The following OR6C4 variants were observed in gnomAD, a reference collection of about 807,000 sequenced individuals.
OR6C4 encodes the protein olfactory receptor family 6 subfamily C member 4, also known as olfactory receptor 6C4.
In OR6C4, 20 loss-of-function variants were observed where a neutral mutation model predicts 15.1. The observed-to-expected ratio is 1.32, with a 90% CI of 0.93 to 1.92. The LOEUF is 1.92. Among genes scored for constraint, OR6C4 ranks in the 30% most tolerant of loss-of-function variants. The probability of loss-of-function intolerance (pLI) is 0.00; values close to 1 mark genes in which losing one functional copy is unlikely to be tolerated. For synonymous variants in OR6C4, 179 were observed against 134.2 expected (o/e 1.33, Z -2.31); for missense variants, 491 against 363.2 (o/e 1.35, Z -2.86).
At position 55,551,460 on chromosome 12, in the gene OR6C4, A is replaced by T; in HGVS notation, c.234A>T (p.Arg78Ser). ...EISFTSIFIPRFLTSMTTGNK... is the reference protein window; with the variant it reads ...EISFTSIFIPSFLTSMTTGNK... Reference sequence around the variant, plus strand: ...CCTTCACATCCATTTTTATTCCCAGATTTCTGACCAGCATGACAACAGGAA... The same window carrying T: ...CCTTCACATCCATTTTTATTCCCAGTTTTCTGACCAGCATGACAACAGGAA... The change falls in exon 2 of 2, where the codon AGA (arginine) becomes AGT (serine). Residue 78 changes from arginine (R) to serine (S), a missense_variant. Coordinates refer to ENST00000641569, the MANE Select transcript of OR6C4 (RefSeq NM_001005494.2). The T allele has an allele frequency of 6.2e-7, 1 of 1,613,658 alleles. No homozygotes were observed. Among genetic ancestry groups the T allele is most frequent in the Non-Finnish European group, 8.5e-7 (1 of 1,179,888 alleles).
At chr12:55,550,633 G>A (rs1295512107) in intron 1 of OR6C4, among the ~76,000 whole-genome samples, 2 of 152,130 alleles carry the variant, frequency 1.3e-5, no homozygotes, top group Non-Finnish European at 2.9e-5. Context: ...TTCATGTAGA[G>A]GAAAAGACTC....
Position 55,551,522 on chromosome 12 carries a change from A to AT in OR6C4, c.303dup (p.Ala102CysfsTer18), listed in dbSNP as rs759108361. 6 of 1,613,692 alleles carry AT rather than the reference A, an allele frequency of 3.7e-6. No homozygotes were observed. Among genetic ancestry groups the AT allele is most frequent in the Non-Finnish European group, 3.4e-6 (4 of 1,179,876 alleles). Reference sequence around the variant, plus strand: ...AGCTTTGCTGGCTGCTTGACTCAGTATTTTTTTGCTATATTTCTTGGAGCT... The same window carrying AT: ...AGCTTTGCTGGCTGCTTGACTCAGTATTTTTTTTGCTATATTTCTTGGAGCT... On this transcript the variant is annotated frameshift_variant, in exon 2 of 2. Transcript: ENST00000641569. LOFTEE classifies it high-confidence loss of function.
At position 55,552,068 on chromosome 12, in the gene OR6C4, C is replaced by T. The variant is rs1873889474; in HGVS notation, c.842C>T (p.Pro281Leu). The change falls in exon 2 of 2, where the codon CCC becomes CTC. Residue 281 changes from proline (P) to leucine (L), a missense_variant. Physicochemically the swap from Pro to Leu is moderately conservative, Grantham distance 98. Coordinates refer to ENST00000641569, the MANE Select transcript of OR6C4 (RefSeq NM_001005494.2). The part of the protein sequence containing the change: ...GIAVLITSVT[P>L]LLNPFIYTLR... ...GCTGTACTCATTACTTCGGTTACTCCCTTACTGAATCCCTTCATATATACT... is the reference window on the plus strand; with the variant it reads ...GCTGTACTCATTACTTCGGTTACTCTCTTACTGAATCCCTTCATATATACT... 7 of 1,612,834 alleles carry T rather than the reference C, an allele frequency of 4.3e-6. No homozygotes were observed. In the East Asian group the frequency reaches 1.1e-4, roughly 26 times the overall value.
chr12:55,553,512 G>T lies in OR6C4; in HGVS notation c.*1356G>T, dbSNP rs1348225182. On this transcript the variant is annotated 3_prime_UTR_variant, in exon 2 of 2. Coordinates refer to ENST00000641569, the MANE Select transcript of OR6C4 (RefSeq NM_001005494.2). ...GAGCAAATTATCAGAGCCACAGAAGGTATTGGAGAATGTATAATATTTTTG... is the reference window on the plus strand; with the variant it reads ...GAGCAAATTATCAGAGCCACAGAAGTTATTGGAGAATGTATAATATTTTTG... The T allele has an allele frequency of 1.3e-5, 2 of 152,130 alleles. No homozygotes were observed. The highest frequency in any genetic ancestry group is 2.9e-5 in the Non-Finnish European group (2 of 68,014). 9.4% of individuals were successfully genotyped at this position (152,130 alleles called of 1,614,324 possible). A position where few individuals can be genotyped will look rare whatever the true frequency, so the allele number is the denominator to read the frequency against.
At position 55,551,241 on chromosome 12, in the gene OR6C4, C is replaced by T. The variant is rs200999334; in HGVS notation, c.15C>T (p.Thr5=). 2 of 1,607,192 alleles carry T rather than the reference C, an allele frequency of 1.2e-6. No individual in the cohort carries two copies. The highest frequency in any genetic ancestry group is 3.4e-5 in the Admixed American group (2 of 58,006). Residue 5 remains threonine (T), a synonymous_variant, in exon 2 of 2, where the codon ACC becomes ACT. Transcript: ENST00000641569. ...GAAGGTCAACAATGAAAAACAGAAC[C>T]ATGTTTGGTGAGTTTATTCTACTGG... MKNR[T]MFGEFILLGL...
rs949396749 is a variant in OR6C4, at chr12:55,554,075, A to T, written c.*1919A>T. The T allele has an allele frequency of 6.6e-6, 1 of 152,170 alleles. No individual in the cohort carries two copies. The highest frequency in any genetic ancestry group is 1.5e-5 in the Non-Finnish European group (1 of 68,026). 9.4% of individuals were successfully genotyped at this position (152,170 alleles called of 1,614,324 possible). ...AGCAGGGACAGTAAAAATGTTGGCC[A>T]TTGTACTTGAAATCCATCTGCACAA... is the stretch of plus-strand genomic sequence containing the variant. On this transcript the variant is annotated 3_prime_UTR_variant, in exon 2 of 2. Coordinates refer to ENST00000641569, the MANE Select transcript of OR6C4 (RefSeq NM_001005494.2).
rs897263258 is a variant in OR6C4 at position 55,555,158 on chromosome 12, C to T, written c.*3002C>T. Reference sequence around the variant, plus strand: ...TGGGAAGGCTGAAGCACAAGAATCACTTGGAGTACAAGTGGCCTTTTGTTA... The same window carrying T: ...TGGGAAGGCTGAAGCACAAGAATCATTTGGAGTACAAGTGGCCTTTTGTTA... On this transcript the variant is annotated 3_prime_UTR_variant, in exon 2 of 2. Coordinates refer to ENST00000641569, the MANE Select transcript of OR6C4 (RefSeq NM_001005494.2). 1.3e-5 allele frequency: 2 copies of T among 152,182 alleles called. No individual in the cohort carries two copies. Among genetic ancestry groups the T allele is most frequent in the African/African-American group, 4.8e-5 (2 of 41,446 alleles). The allele number at this position is 152,182 out of a possible 1,614,324, so 9.4% of individuals were successfully genotyped here. A position where few individuals can be genotyped will look rare whatever the true frequency, so the allele number is the denominator to read the frequency against.
Position 55,551,359 on chromosome 12 carries a change from AC to A in OR6C4, c.136del (p.Leu46SerfsTer4), listed in dbSNP as rs751016548. On this transcript the variant is annotated frameshift_variant, in exon 2 of 2. Coordinates refer to ENST00000641569, the MANE Select transcript of OR6C4 (RefSeq NM_001005494.2). LOFTEE classifies it high-confidence loss of function. The part of the protein sequence containing the change: ...LSILGNLTII[T>X]LTLLDPHLQT... ...TATCCTAGGAAATCTGACTATTATC[AC>A]CCTCACCTTACTAGACCCCCACCTC... 6.2e-7 allele frequency: 1 copy of A among 1,613,510 alleles called. No individual in the cohort carries two copies. The highest frequency in any genetic ancestry group is 1.1e-5 in the South Asian group (1 of 91,046).
intron 1 of OR6C4, among the ~76,000 whole-genome samples, chr12:55,550,694 A>G (rs1203185958): frequency 6.6e-6 from 1 of 152,062 alleles, no homozygotes; most frequent in Non-Finnish European, 1.5e-5. Flanking sequence ...GGAAATTCCT[A>G]CTTGTTTCTG....
chr12:55,552,208 A>G lies in OR6C4; in HGVS notation c.*52A>G. The G allele has an allele frequency of 8.0e-7, 1 of 1,243,972 alleles. No homozygotes were observed. The highest frequency in any genetic ancestry group is 1.4e-5 in the South Asian group (1 of 73,100). The allele number at this position is 1,243,972 out of a possible 1,614,324, so 77.1% of individuals were successfully genotyped here. On this transcript the variant is annotated 3_prime_UTR_variant, in exon 2 of 2. Coordinates refer to ENST00000641569, the MANE Select transcript of OR6C4 (RefSeq NM_001005494.2). Reference sequence around the variant, plus strand: ...TTTTCACTTAACAAATATGCATTGAATGTCTATATTTCAAGTGCTAAATTG... The same window carrying G: ...TTTTCACTTAACAAATATGCATTGAGTGTCTATATTTCAAGTGCTAAATTG...
rs892689464 is a variant in OR6C4, at chr12:55,555,521, T to A, written c.*3365T>A. 6 of 152,252 alleles carry A rather than the reference T, an allele frequency of 3.9e-5. No homozygotes were observed. The highest frequency in any genetic ancestry group is 1.2e-4 in the African/African-American group (5 of 41,440). The allele number at this position is 152,252 out of a possible 1,614,324, so 9.4% of individuals were successfully genotyped here. On this transcript the variant is annotated 3_prime_UTR_variant, in exon 2 of 2. Coordinates refer to ENST00000641569, the MANE Select transcript of OR6C4 (RefSeq NM_001005494.2). Reference sequence around the variant, plus strand: ...GGCCAGGTGCAGTGGCTCTTGCCTGTAATCCCAGAAATTTGGGAGGCTGAG... The same window carrying A: ...GGCCAGGTGCAGTGGCTCTTGCCTGAAATCCCAGAAATTTGGGAGGCTGAG...
In OR6C4 at chr12:55,553,967, T is replaced by A. The variant is rs1173913929; in HGVS notation, c.*1811T>A. The A allele has an allele frequency of 6.6e-6, 1 of 152,206 alleles. No individual in the cohort carries two copies. The highest frequency in any genetic ancestry group is 2.4e-5 in the African/African-American group (1 of 41,454). The allele number at this position is 152,206 out of a possible 1,614,324, so 9.4% of individuals were successfully genotyped here. Reference sequence around the variant, plus strand: ...TATTGTGTTTAATAAATGACATCTATTATAACTATATTATAAACAATATAT... The same window carrying A: ...TATTGTGTTTAATAAATGACATCTAATATAACTATATTATAAACAATATAT... On this transcript the variant is annotated 3_prime_UTR_variant, in exon 2 of 2. Transcript: ENST00000641569.
rs766372021 is a variant in OR6C4 at position 55,551,222 on chromosome 12, C to G, written c.-5C>G. The stretch of plus-strand genomic sequence containing the variant: ...TTTTGCCTTTAGGTTTTCCGAAGGT[C>G]AACAATGAAAAACAGAACCATGTTT... On this transcript the variant is annotated 5_prime_UTR_variant, in exon 2 of 2. Coordinates refer to ENST00000641569, the MANE Select transcript of OR6C4 (RefSeq NM_001005494.2). 9.4e-6 allele frequency: 15 copies of G among 1,600,392 alleles called. No homozygotes were observed. Among genetic ancestry groups the G allele is most frequent in the African/African-American group, 1.3e-5 (1 of 74,090 alleles).
Position 55,552,259 on chromosome 12 carries a change from G to T in OR6C4, c.*103G>T, listed in dbSNP as rs765843847. The T allele has an allele frequency of 1.9e-5, 13 of 692,008 alleles. No homozygotes were observed. Among genetic ancestry groups the T allele is most frequent in the Non-Finnish European group, 3.1e-5 (13 of 424,444 alleles). The allele number at this position is 692,008 out of a possible 1,614,324, so 42.9% of individuals were successfully genotyped here. ...GCCCTTGAAGATTAAAATAGGAAAA[G>T]TATATGTCTTAATTTCAAGAAAACT... is the stretch of plus-strand genomic sequence containing the variant. On this transcript the variant is annotated 3_prime_UTR_variant, in exon 2 of 2. Transcript: ENST00000641569.
In OR6C4 at chr12:55,551,133, G is replaced by T. The variant is rs933665444; in HGVS notation, c.-18-76G>T. 6.4e-6 allele frequency: 6 copies of T among 934,116 alleles called. No individual in the cohort carries two copies. The African/African-American group carries it at 1.0e-4, about 16-fold the overall frequency. 57.9% of individuals were successfully genotyped at this position (934,116 alleles called of 1,614,324 possible). A position where few individuals can be genotyped will look rare whatever the true frequency, so the allele number is the denominator to read the frequency against. On this transcript the variant is annotated intron_variant, in intron 1 of 1. Transcript: ENST00000641569. ...GGTGAGCAATGTATGACCTGATTCT[G>T]TTCATTAAGATAAGCTTTATGTCTC...
rs1446790191 is a variant in OR6C4 at position 55,555,553 on chromosome 12, G to A, written c.*3397G>A. 1.3e-5 allele frequency: 2 copies of A among 152,238 alleles called. No homozygotes were observed. Among genetic ancestry groups the A allele is most frequent in the Non-Finnish European group, 1.5e-5 (1 of 68,108 alleles). The allele number at this position is 152,238 out of a possible 1,614,324, so 9.4% of individuals were successfully genotyped here. ...AGAAATTTGGGAGGCTGAGGAGGGT[G>A]GATCACTTGAGTTCAGGAGTTCGAG... On this transcript the variant is annotated 3_prime_UTR_variant, in exon 2 of 2. Transcript: ENST00000641569.
At position 55,553,203 on chromosome 12, in the gene OR6C4, C is replaced by T. The variant is rs1043834791; in HGVS notation, c.*1047C>T. The T allele has an allele frequency of 1.3e-5, 2 of 152,016 alleles. No homozygotes were observed. Among genetic ancestry groups the T allele is most frequent in the African/African-American group, 2.4e-5 (1 of 41,412 alleles). 9.4% of individuals were successfully genotyped at this position (152,016 alleles called of 1,614,324 possible). On this transcript the variant is annotated 3_prime_UTR_variant, in exon 2 of 2. Coordinates refer to ENST00000641569, the MANE Select transcript of OR6C4 (RefSeq NM_001005494.2). ...GTCTTGAAAAACAACTAGAAATAGA[C>T]TATCCTACCAAAAACTTTACACATG... is the stretch of plus-strand genomic sequence containing the variant.
In OR6C4 at chr12:55,551,736, C is replaced by A. The variant is rs745516260; in HGVS notation, c.510C>A (p.Asn170Lys). 6.2e-7 allele frequency: 1 copy of A among 1,613,826 alleles called. No individual in the cohort carries two copies. Among genetic ancestry groups the A allele is most frequent in the African/African-American group, 1.3e-5 (1 of 74,896 alleles). ...LMTQVDFCVS[N>K]ILNHYYCDYG... is the part of the protein sequence containing the mutation. ...CCCAGGTAGATTTCTGTGTCTCCAA[C>A]ATTCTGAATCACTATTACTGTGACT... The change falls in exon 2 of 2, where the codon AAC becomes AAA. Residue 170 changes from asparagine (N) to lysine (K), a missense_variant. Transcript: ENST00000641569.
At position 55,551,588 on chromosome 12, in the gene OR6C4, A is replaced by T. The variant is rs142414693; in HGVS notation, c.362A>T (p.Tyr121Phe). The change falls in exon 2 of 2, where the codon TAT becomes TTT. Residue 121 changes from tyrosine (Y) to phenylalanine (F), a missense_variant. Tyr to Phe is a conservative substitution (Grantham distance 22, BLOSUM62 3). Coordinates refer to ENST00000641569, the MANE Select transcript of OR6C4 (RefSeq NM_001005494.2). ...CTGGCCTCCATGTCTTATGATCGTT[A>T]TGTGGCCATCTGCAAACCCTTGCAT... ...YLLASMSYDRYVAICKPLHYL... is the reference protein window; with the variant it reads ...YLLASMSYDRFVAICKPLHYL... 4 of 1,613,788 alleles carry T rather than the reference A, an allele frequency of 2.5e-6. No individual in the cohort carries two copies. Among genetic ancestry groups the T allele is most frequent in the South Asian group, 2.2e-5 (2 of 91,082 alleles).
Sources: allele counts gnomAD v4.1 joint callset (sites outside exome capture counted in the v4.1 genomes callset), GRCh38; gene constraint gnomAD v4.1.1; transcripts MANE v1.5; gene names NCBI Gene and HGNC (gene_info 2026-07-23, HGNC 2026-07-21).